Variants in GMDS observed in about 807,000 individuals in gnomAD.
The protein encoded by GMDS is GDP-mannose 4,6 dehydratase.
GMDS carries 20 observed loss-of-function variants against 49.9 expected under a neutral mutation model. The ratio of observed to expected loss-of-function variants is 0.40; its 90% CI spans 0.28 to 0.58. The LOEUF (loss-of-function observed/expected upper bound fraction) is 0.58, where lower values mean the gene tolerates loss of function less well. GMDS is among the 20% of genes least tolerant of loss of function. The pLI is 0.42. For synonymous variants in GMDS, 177 were observed against 178.6 expected, an observed-to-expected ratio of 0.99 and a Z score of 0.07; for missense variants, 362 against 481.4, an observed-to-expected ratio of 0.75 and a Z score of 2.32.
At chr6:1,890,344 C>T (rs1379989771) in intron 7 of GMDS, among the ~76,000 whole-genome samples, 2 of 152,158 alleles carry the variant, frequency 1.3e-5, no homozygotes, top group Non-Finnish European at 2.9e-5. Context: ...CATCTTTTCA[C>T]GTGCATGTCC....
intron 4 of GMDS, among the ~76,000 whole-genome samples, chr6:2,070,929 C>T (rs1771953212): frequency 6.6e-6 from 1 of 152,218 alleles, no homozygotes; most frequent in Admixed American, 6.5e-5. Context: ...TTATCTGCCA[C>T]TACCACACAC....
intron 4 of GMDS, among the ~76,000 whole-genome samples, chr6:1,967,367 A>T (rs545968988): frequency 6.6e-6 from 1 of 152,362 alleles, no homozygotes; most frequent in Non-Finnish European, 1.5e-5. Context: ...CAGTGAGTAA[A>T]CTAATGAGAA....
intron 7 of GMDS, among the ~76,000 whole-genome samples, chr6:1,904,804 T>G (rs1760674133): frequency 6.6e-6 from 1 of 152,186 alleles, no homozygotes; most frequent in Non-Finnish European, 1.5e-5. Context: ...CTTTGACTGC[T>G]GACAAAGCCC....
intron 1 of GMDS, among the ~76,000 whole-genome samples, chr6:2,223,042 C>A (rs975794944): frequency 6.6e-6 from 1 of 152,052 alleles, no homozygotes. Flanking sequence ...AGCTTGCCAG[C>A]CAGCCCTGCA....
intron 7 of GMDS, among the ~76,000 whole-genome samples, chr6:1,910,830 C>T (rs1761015278): frequency 6.6e-6 from 1 of 152,174 alleles, no homozygotes; most frequent in Admixed American, 6.5e-5. Context: ...CCAATGCCCT[C>T]CAGGAAATGT....
intron 1 of GMDS, among the ~76,000 whole-genome samples, chr6:2,234,800 A>T (rs1406210800): frequency 1.3e-5 from 2 of 152,192 alleles, no homozygotes; most frequent in Admixed American, 1.3e-4. Flanking sequence ...AAAAAAAGAG[A>T]AAGCATTGAA....
chr6:1,814,957 A>T (rs1770594239), intron 7 of GMDS, among the ~76,000 whole-genome samples: 1 of 152,226 alleles, frequency 6.6e-6, no homozygotes, highest in South Asian at 2.1e-4. Flanking sequence ...TTCAAATCAA[A>T]TATGGAAAAC....
At chr6:2,217,046 G>A (rs964223317) in intron 1 of GMDS, among the ~76,000 whole-genome samples, 4 of 152,168 alleles carry the variant, frequency 2.6e-5, no homozygotes, top group African/African-American at 7.2e-5. Flanking sequence ...GGCTTCAGCC[G>A]CCCACCTGGC....
intron 6 of GMDS, among the ~76,000 whole-genome samples, chr6:1,933,457 A>G (rs1762386697): frequency 6.6e-6 from 1 of 152,340 alleles, no homozygotes; most frequent in East Asian, 1.9e-4. Context: ...GACTTTTCCA[A>G]TGTGGCTGCA....
At chr6:1,672,855 C>G (rs955657789) in intron 9 of GMDS, among the ~76,000 whole-genome samples, 12 of 152,200 alleles carry the variant, frequency 7.9e-5, no homozygotes, top group African/African-American at 2.9e-4. Context: ...AGATGCTAGT[C>G]AGATGCTGGA....
At chr6:2,104,343 C>T (rs937748449) in intron 4 of GMDS, among the ~76,000 whole-genome samples, 3 of 152,202 alleles carry the variant, frequency 2.0e-5, no homozygotes, top group African/African-American at 7.2e-5. Flanking sequence ...CTTGTGTTAT[C>T]AATAGTAGCT....
At chr6:1,728,686 G>C (rs755860561) in intron 8 of GMDS, among the ~76,000 whole-genome samples, 2 of 152,170 alleles carry the variant, frequency 1.3e-5, no homozygotes, top group Admixed American at 6.5e-5. Context: ...AGGAGGGAGC[G>C]TGTGAGTCAG....
chr6:2,005,569 C>T (rs1767108813), intron 4 of GMDS, among the ~76,000 whole-genome samples: 1 of 152,190 alleles, frequency 6.6e-6, no homozygotes, highest in Admixed American at 6.5e-5. Flanking sequence ...GTCTAGACCC[C>T]ATAGTCTGTC....
At chr6:1,857,115 C>T (rs1327074852) in intron 7 of GMDS, among the ~76,000 whole-genome samples, 1 of 152,198 alleles carries the variant, frequency 6.6e-6, no homozygotes, top group East Asian at 1.9e-4. Flanking sequence ...TCAAGATGCT[C>T]TCAGGCTCTT....
At chr6:2,202,437 T>A (rs897660553) in intron 1 of GMDS, among the ~76,000 whole-genome samples, 1 of 144,530 alleles carries the variant, frequency 6.9e-6, no homozygotes, top group African/African-American at 2.5e-5. Flanking sequence ...TTCTTTCTAT[T>A]TTTTTTTTTT....
rs1019750363 is a variant in GMDS, at chr6:1,836,555, T to C, written c.771+93548A>G. Among the ~76,000 whole-genome samples the C allele has an allele frequency of 4.6e-5, 7 of 152,260 alleles. No homozygotes were observed. Among genetic ancestry groups the C allele is most frequent in the Non-Finnish European group, 1.5e-5 (1 of 68,040 alleles). ...GCATACTTTATGATAAAATAGCTAA[T>C]GTCCTTTCATTAGTATAATGACATC... On this transcript the variant is annotated intron_variant, in intron 7 of 10. Transcript: ENST00000380815. This position sits in a 1 kb window ranked among gnomAD's most constrained non-coding sequence, Gnocchi z 4.2.
At chr6:2,220,853 T>A (rs552243252) in intron 1 of GMDS, among the ~76,000 whole-genome samples, 125 of 152,148 alleles carry the variant, frequency 8.2e-4, no homozygotes, top group African/African-American at 2.9e-3. Flanking sequence ...CCCTGTTTGA[T>A]AATGGTAATA....
intron 1 of GMDS, among the ~76,000 whole-genome samples, chr6:2,171,967 G>A (rs1247823491): frequency 1.3e-5 from 2 of 152,170 alleles, no homozygotes; most frequent in Non-Finnish European, 2.9e-5. Flanking sequence ...CACGTGGCCG[G>A]CTAATCTGAG....
At chr6:1,719,606 G>C (rs1228226808) in intron 9 of GMDS, among the ~76,000 whole-genome samples, 2 of 141,192 alleles carry the variant, frequency 1.4e-5, no homozygotes, top group Non-Finnish European at 3.0e-5. Flanking sequence ...AACAGGAAGA[G>C]CACTGCTGAT....
Sources: gnomAD v4.1 joint callset for allele counts (sites outside exome capture counted in the v4.1 genomes callset) on GRCh38, gnomAD v4.1.1 for gene constraint, Gnocchi (gnomAD v3.1) non-coding constraint, MANE v1.5 for transcripts, NCBI Gene and HGNC (gene_info 2026-07-23, HGNC 2026-07-21) for gene names.